Variants in MGLL observed in about 807,000 individuals in gnomAD.
MGLL encodes lysophospholipase homolog.
MGLL carries 7 observed loss-of-function variants against 29.1 expected under a neutral mutation model. The ratio of observed to expected loss-of-function variants is 0.24; its 90% CI spans 0.14 to 0.45. The LOEUF is 0.45. Among genes scored for constraint, MGLL ranks in the 20% least tolerant of loss-of-function variants. MGLL has a pLI of 0.99. For missense variants in MGLL, 356 were observed against 413.6 expected (o/e 0.86, Z 1.21); for synonymous variants, 148 against 168.3 (o/e 0.88, Z 0.93).
intron 6 of MGLL, among the ~76,000 whole-genome samples, chr3:127,704,230 A>G (rs1206750035): frequency 2.6e-5 from 4 of 152,260 alleles, no homozygotes; most frequent in Admixed American, 6.5e-5. Context: ...AATTAACTCA[A>G]GGTGGATTAA....
At chr3:127,768,186 C>T (rs1187982703) in intron 3 of MGLL, among the ~76,000 whole-genome samples, 1 of 152,156 alleles carries the variant, frequency 6.6e-6, no homozygotes, top group African/African-American at 2.4e-5. Context: ...AAAGAACACT[C>T]CAGGCCTTGA....
intron 3 of MGLL, among the ~76,000 whole-genome samples, chr3:127,737,932 C>T (rs1296248838): frequency 6.6e-6 from 1 of 152,100 alleles, no homozygotes; most frequent in Non-Finnish European, 1.5e-5. Flanking sequence ...CCCATCAACT[C>T]CTTCTTAAAA....
chr3:127,781,948 C>T (rs2077134545), intron 2 of MGLL, 53 bp from the exon 3 acceptor site: 42 of 1,559,384 alleles, frequency 2.7e-5, no homozygotes, highest in Non-Finnish European at 3.3e-5. Flanking sequence ...GGGCTGGGCG[C>T]GGTGGCTCAT....
intron 2 of MGLL, among the ~76,000 whole-genome samples, chr3:127,819,901 T>C (rs1407087741): frequency 6.6e-6 from 1 of 151,870 alleles, no homozygotes; most frequent in Non-Finnish European, 1.5e-5. Flanking sequence ...ACATGAGTCA[T>C]GGCAAGGGGC....
intron 3 of MGLL, among the ~76,000 whole-genome samples, chr3:127,740,425 G>A (rs1026703462): frequency 6.6e-6 from 1 of 152,204 alleles, no homozygotes; most frequent in Non-Finnish European, 1.5e-5. Context: ...TAGAGTATCT[G>A]TCCATATCAG....
intron 3 of MGLL, among the ~76,000 whole-genome samples, chr3:127,779,453 A>T (rs2077087741): frequency 6.6e-6 from 1 of 152,212 alleles, no homozygotes; most frequent in Non-Finnish European, 1.5e-5. Context: ...TTGTGCCTGG[A>T]AACATTGGTG....
chr3:127,752,592 A>G (rs553097620), intron 3 of MGLL, among the ~76,000 whole-genome samples: 8 of 152,172 alleles, frequency 5.3e-5, no homozygotes, highest in Non-Finnish European at 1.0e-4. Context: ...GTTGTTCCCA[A>G]CTTTTCATGA....
intron 3 of MGLL, among the ~76,000 whole-genome samples, chr3:127,769,976 G>A (rs139918495): frequency 2.8e-3 from 433 of 152,240 alleles, no homozygotes; most frequent in African/African-American, 9.9e-3. Flanking sequence ...TCCCCAGGCC[G>A]CTCTGCTGCA....
At chr3:127,744,591 A>G (rs911086850) in intron 3 of MGLL, among the ~76,000 whole-genome samples, 2 of 152,234 alleles carry the variant, frequency 1.3e-5, no homozygotes, top group Non-Finnish European at 2.9e-5. Flanking sequence ...AATAAGTGAC[A>G]GCTGCAGAGT....
chr3:127,713,665 GT>G (rs954822785), intron 5 of MGLL: 23 of 152,406 alleles, frequency 1.5e-4, no homozygotes, highest in African/African-American at 5.0e-4. Flanking sequence ...CACCATTTGT[GT>G]TTTGGGGACC....
chr3:127,720,053 T>C (rs1270544430), intron 5 of MGLL, among the ~76,000 whole-genome samples: 3 of 152,136 alleles, frequency 2.0e-5, no homozygotes, highest in African/African-American at 7.2e-5. Flanking sequence ...TTTGAGGATG[T>C]TGTTATAAGG....
At chr3:127,799,906 C>G (rs984132935) in intron 2 of MGLL, among the ~76,000 whole-genome samples, 1 of 152,236 alleles carries the variant, frequency 6.6e-6, no homozygotes, top group Admixed American at 6.5e-5. Flanking sequence ...ACTGCATTCT[C>G]TCTTCTGTAG....
intron 3 of MGLL, among the ~76,000 whole-genome samples, chr3:127,727,284 A>G (rs575671503): frequency 1.3e-5 from 2 of 152,330 alleles, no homozygotes; most frequent in South Asian, 4.1e-4. Flanking sequence ...GGGAGTGTCC[A>G]ATGCCACCGA....
At chr3:127,775,715 C>G (rs1559962230) in intron 3 of MGLL, among the ~76,000 whole-genome samples, 1 of 152,328 alleles carries the variant, frequency 6.6e-6, no homozygotes, top group East Asian at 1.9e-4. Flanking sequence ...CTTCTCTGGC[C>G]CCAGCAAGTG....
rs116663905 is a variant in MGLL, at chr3:127,788,613, C to A, written c.156-6718G>T. On this transcript the variant is annotated intron_variant, in intron 2 of 7. Transcript: ENST00000265052. ...GGAAAGACGTGTGGTTCCTCCACAC[C>A]CCCTCTGTCTATGACCCCATGATTG... 4.5e-3 allele frequency among the ~76,000 whole-genome samples: 681 copies of A among 152,232 alleles called. 3 individuals carry two copies. The highest frequency in any genetic ancestry group is 6.4e-3 in the Non-Finnish European group (432 of 68,020).
intron 6 of MGLL, among the ~76,000 whole-genome samples, chr3:127,697,960 T>G (rs968994197): frequency 6.6e-6 from 1 of 152,188 alleles, no homozygotes; most frequent in Non-Finnish European, 1.5e-5. Flanking sequence ...AACCACCTTC[T>G]TCCTGCAGCA....
intron 3 of MGLL, among the ~76,000 whole-genome samples, chr3:127,730,660 C>T (rs932541979): frequency 2.0e-5 from 3 of 152,176 alleles, no homozygotes; most frequent in Non-Finnish European, 2.9e-5. Flanking sequence ...CATACCCCTT[C>T]CATAACCCTG....
rs531419818 is a variant in MGLL at position 127,754,986 on chromosome 3, G to A, written c.262+26803C>T. ...AGAAGGGATTGTGTGGGAGGAACGCGGGTTTCCACGAGATGGTGGGGGTGT... is the reference window on the plus strand; with the variant it reads ...AGAAGGGATTGTGTGGGAGGAACGCAGGTTTCCACGAGATGGTGGGGGTGT... On this transcript the variant is annotated intron_variant, in intron 3 of 7. Transcript: ENST00000265052. 1.3e-4 allele frequency among the ~76,000 whole-genome samples: 20 copies of A among 152,258 alleles called. No homozygotes were observed. The South Asian group carries it at 1.7e-3, about 13-fold the overall frequency.
At chr3:127,816,562 G>C (rs1010609817) in intron 2 of MGLL, among the ~76,000 whole-genome samples, 3 of 152,178 alleles carry the variant, frequency 2.0e-5, no homozygotes, top group African/African-American at 7.2e-5. Flanking sequence ...CTGATGTGAG[G>C]AGGATATTAC....
Sources: gnomAD v4.1 joint callset for allele counts (sites outside exome capture counted in the v4.1 genomes callset) on GRCh38, gnomAD v4.1.1 for gene constraint, MANE v1.5 for transcripts, NCBI Gene and HGNC (gene_info 2026-07-23, HGNC 2026-07-21) for gene names.